ATAD2B: variants seen among roughly 807,000 people sequenced by gnomAD.
ATAD2B encodes the protein ATPase family AAA domain-containing protein 2B.
A neutral mutation model predicts 167.6 loss-of-function variants in ATAD2B; 40 were observed. The observed-to-expected ratio is 0.24, with a 90% CI of 0.19 to 0.31. ATAD2B has a LOEUF of 0.31. Ranked by LOEUF, ATAD2B falls within the 10% of genes least tolerant of loss-of-function variation. ATAD2B has a pLI of 1.00. For missense variants in ATAD2B, 1,242 were observed against 1,757.2 expected (o/e 0.71, Z 5.24); for synonymous variants, 579 against 596.5 (o/e 0.97, Z 0.43).
At chr2:23,862,136 G>A (rs1160718092) in intron 12 of ATAD2B, among the ~76,000 whole-genome samples, 1 of 151,630 alleles carries the variant, frequency 6.6e-6, no homozygotes, top group African/African-American at 2.4e-5. Flanking sequence ...GTTTGAGGTT[G>A]CAGTGAACTA....
At chr2:23,833,837 T>A in intron 14 of ATAD2B, 82 bp downstream of exon 14, 1 of 1,098,338 alleles carries the variant, frequency 9.1e-7, no homozygotes, top group Non-Finnish European at 1.3e-6. Context: ...CAATGAAAAT[T>A]CATAAAATAT....
chr2:23,751,708 G>A lies in ATAD2B; in HGVS notation c.*338C>T. The stretch of plus-strand genomic sequence containing the variant: ...CCATCCAGTTTCCTCCTGTTTGCTG[G>A]TCTGCTCCCTAAGAGAGGAGTCTCC... On this transcript the variant is annotated 3_prime_UTR_variant, in exon 28 of 28. Coordinates refer to ENST00000238789, the MANE Select transcript of ATAD2B (RefSeq NM_017552.4). 3.5e-6 allele frequency: 1 copy of A among 282,502 alleles called. No homozygotes were observed. The highest frequency in any genetic ancestry group is 1.0e-3 in the Middle Eastern group (1 of 962). The allele number at this position is 282,502 out of a possible 1,614,324, so 17.5% of individuals were successfully genotyped here. A position where few individuals can be genotyped will look rare whatever the true frequency, so the allele number is the denominator to read the frequency against.
chr2:23,909,706 A>G (rs1558784105), intron 1 of ATAD2B, among the ~76,000 whole-genome samples: 1 of 152,124 alleles, frequency 6.6e-6, no homozygotes, highest in Non-Finnish European at 1.5e-5. Context: ...TTTTCTGTGT[A>G]CGTACATATT....
rs187565103 is a variant in ATAD2B, at chr2:23,750,236, A to G, written c.*1810T>C. 3.3e-5 allele frequency: 5 copies of G among 152,264 alleles called. No homozygotes were observed. Among genetic ancestry groups the G allele is most frequent in the Admixed American group, 2.6e-4 (4 of 15,276 alleles). The allele number at this position is 152,264 out of a possible 1,614,324, so 9.4% of individuals were successfully genotyped here. On this transcript the variant is annotated 3_prime_UTR_variant, in exon 28 of 28. Coordinates refer to ENST00000238789, the MANE Select transcript of ATAD2B (RefSeq NM_017552.4). ...CACCTTAAAAATACAGTGTGTCTAC[A>G]TGGGTAGCATCTTGACTTGTATGAC...
At chr2:23,714,075 G>A in the ATAD2B span, among the ~76,000 whole-genome samples, 4 of 151,876 alleles carry the variant, frequency 2.6e-5, no homozygotes, top group South Asian at 2.1e-4. Context: ...ATTACCCCCC[G>A]GTCCAAGTTT....
At chr2:23,799,795 G>C (rs1404853603) in intron 18 of ATAD2B, 1 of 151,652 alleles carries the variant, frequency 6.6e-6, no homozygotes, top group African/African-American at 2.4e-5. Flanking sequence ...AATAATAATT[G>C]GAAAAAATGT....
At chr2:23,694,311 C>G in the ATAD2B span, among the ~76,000 whole-genome samples, 1 of 152,216 alleles carries the variant, frequency 6.6e-6, no homozygotes, top group Non-Finnish European at 1.5e-5. Context: ...TCGCTACACG[C>G]GCTCATTCCT....
chr2:23,740,268 A>G, the ATAD2B span, among the ~76,000 whole-genome samples: 1 of 152,228 alleles, frequency 6.6e-6, no homozygotes, highest in Non-Finnish European at 1.5e-5. Context: ...TTTCAGACCA[A>G]TATCCCTGAT....
At chr2:23,766,594 A>G (rs948623383) in intron 22 of ATAD2B, among the ~76,000 whole-genome samples, 3 of 152,176 alleles carry the variant, frequency 2.0e-5, no homozygotes, top group African/African-American at 7.2e-5. Context: ...CACTCAACAA[A>G]TGTTGTCGAC....
At chr2:23,805,840 A>G (rs1684305713) in intron 18 of ATAD2B, among the ~76,000 whole-genome samples, 1 of 143,842 alleles carries the variant, frequency 7.0e-6, no homozygotes, top group Non-Finnish European at 1.5e-5. Flanking sequence ...ACTTAAGTGA[A>G]GCTTAGAATC....
chr2:23,800,252 C>G (rs1398666204), intron 18 of ATAD2B, among the ~76,000 whole-genome samples: 4 of 152,140 alleles, frequency 2.6e-5, no homozygotes, highest in Non-Finnish European at 5.9e-5. Flanking sequence ...CTATAGGTTA[C>G]TAAGAAACCT....
intron 2 of ATAD2B, among the ~76,000 whole-genome samples, chr2:23,892,180 T>G (rs1699600028): frequency 6.6e-6 from 1 of 152,166 alleles, no homozygotes; most frequent in Admixed American, 6.5e-5. Flanking sequence ...TTTCTTTTTC[T>G]TGAGACGGAG....
the ATAD2B span, among the ~76,000 whole-genome samples, chr2:23,738,987 C>A: frequency 1.3e-5 from 2 of 152,282 alleles, no homozygotes; most frequent in East Asian, 3.9e-4. Context: ...ATCAATTCAA[C>A]AAGAAGAACT....
At chr2:23,838,935 C>A (rs1180536236) in intron 13 of ATAD2B, among the ~76,000 whole-genome samples, 1 of 152,102 alleles carries the variant, frequency 6.6e-6, no homozygotes, top group East Asian at 1.9e-4. Context: ...AAAAATATTT[C>A]TTTCCATTTA....
chr2:23,766,917 G>GC (rs1427450365), intron 22 of ATAD2B, among the ~76,000 whole-genome samples: 2 of 90,260 alleles, frequency 2.2e-5, no homozygotes, highest in Non-Finnish European at 4.4e-5. Context: ...AAGAGTAAGG[G>GC]GGGAAAAAAA....
chr2:23,808,057 C>T (rs13009370), intron 18 of ATAD2B, among the ~76,000 whole-genome samples: 12 of 11,548 alleles, frequency 1.0e-3, no homozygotes, highest in Non-Finnish European at 1.6e-3. Context: ...ATATAAGTAA[C>T]TATAAATTAT....
the ATAD2B span, among the ~76,000 whole-genome samples, chr2:23,731,385 G>A: frequency 8.5e-5 from 13 of 152,296 alleles, no homozygotes; most frequent in African/African-American, 3.1e-4. Context: ...TCACCATTCT[G>A]CAGGCTCTAA....
chr2:23,818,113 A>AT (rs762947988), intron 17 of ATAD2B, among the ~76,000 whole-genome samples: 3,936 of 116,190 alleles, frequency 0.034, 150 homozygotes, highest in Non-Finnish European at 0.042. Context: ...ACACACACAC[A>AT]CACACACATT....
In ATAD2B at chr2:23,782,941, T is replaced by C; in HGVS notation, c.3061A>G (p.Lys1021Glu). ...AGGTCAATATCTTTCAGGAAATCCTTTGCAGTCAGGTAATTATGTTTATCA... is the reference window on the plus strand; with the variant it reads ...AGGTCAATATCTTTCAGGAAATCCTCTGCAGTCAGGTAATTATGTTTATCA... ...KIDKHNYLTA[K>E]DFLKDIDLIC... The change falls in exon 22 of 28, where the codon AAG becomes GAG. Residue 1021 changes from lysine to glutamate, a missense_variant. Physicochemically the swap from Lys to Glu is moderately conservative, Grantham distance 56. Transcript: ENST00000238789. The C allele has an allele frequency of 1.9e-6, 3 of 1,609,822 alleles. No homozygotes were observed. Among genetic ancestry groups the C allele is most frequent in the Non-Finnish European group, 2.6e-6 (3 of 1,176,446 alleles).
Sources: allele counts gnomAD v4.1 joint callset (sites outside exome capture counted in the v4.1 genomes callset), GRCh38; gene constraint gnomAD v4.1.1; transcripts MANE v1.5; gene names NCBI Gene and HGNC (gene_info 2026-07-23, HGNC 2026-07-21).